The following DLGAP2 variants were observed in gnomAD, a reference collection of about 807,000 sequenced individuals.
The protein encoded by DLGAP2 is disks large-associated protein 2.
Under a neutral mutation model 100.3 loss-of-function variants are expected in DLGAP2, and 26 were observed. The ratio of observed to expected loss-of-function variants is 0.26; its 90% confidence interval spans 0.19 to 0.36. The LOEUF (loss-of-function observed/expected upper bound fraction) is 0.36. Among genes scored for constraint, DLGAP2 ranks in the 10% least tolerant of loss-of-function variants. DLGAP2 has a pLI of 1.00. For missense variants in DLGAP2, 1,858 were observed against 1,453.2 expected (o/e 1.28, Z -4.53); for synonymous variants, 886 against 630.1 (o/e 1.41, Z -6.08).
intron 2 of DLGAP2, among the ~76,000 whole-genome samples, chr8:949,614 C>T (rs1346334661): frequency 6.6e-6 from 1 of 152,226 alleles, no homozygotes; most frequent in African/African-American, 2.4e-5. Context: ...CTCCCCGCTG[C>T]AGCTTCCTCA....
In DLGAP2 at chr8:1,318,778, G is replaced by GCCC. The variant is rs34614425; in HGVS notation, c.106+59903_106+59905dup. Among the ~76,000 whole-genome samples, 622 of 105,510 alleles carry GCCC rather than the reference G, an allele frequency of 5.9e-3. 12 individuals carry two copies. The highest frequency in any genetic ancestry group is 0.024 in the African/African-American group (564 of 23,330). 69.2% of individuals were successfully genotyped at this position (105,510 alleles called of 152,430 possible). On this transcript the variant is annotated intron_variant, in intron 3 of 14. Transcript: ENST00000637795. ...GTAACTAATCCATTGTCAGTGATCAGCCCCCCCCCCGCCCCCTCGCCCATC... is the reference window on the plus strand; with the variant it reads ...GTAACTAATCCATTGTCAGTGATCAGCCCCCCCCCCCCCGCCCCCTCGCCCATC...
chr8:1,313,581 C>T (rs1293233876), intron 3 of DLGAP2, among the ~76,000 whole-genome samples: 2 of 152,002 alleles, frequency 1.3e-5, no homozygotes, highest in Non-Finnish European at 2.9e-5. Flanking sequence ...TGTGGAACAC[C>T]ATAACACTTC....
At chr8:1,046,484 C>A (rs896053530) in intron 2 of DLGAP2, among the ~76,000 whole-genome samples, 1 of 152,038 alleles carries the variant, frequency 6.6e-6, no homozygotes, top group African/African-American at 2.4e-5. Flanking sequence ...ACCTTTTCTG[C>A]TGGAATAAAA....
At chr8:1,431,068 C>G (rs1171602720) in intron 3 of DLGAP2, among the ~76,000 whole-genome samples, 1 of 152,146 alleles carries the variant, frequency 6.6e-6, no homozygotes, top group African/African-American at 2.4e-5. Context: ...AAAAATGTGC[C>G]TGCAAACTGT....
chr8:812,377 T>G (rs1563044591), intron 1 of DLGAP2, among the ~76,000 whole-genome samples: 2 of 152,118 alleles, frequency 1.3e-5, no homozygotes, highest in Non-Finnish European at 2.9e-5. Context: ...CTGCGGGAAG[T>G]CCCTGCCTCC....
In DLGAP2 at chr8:1,135,645, C is replaced by T. The variant is rs192621936; in HGVS notation, c.74-123206C>T. ...AGGTGATCCCTTCCTCACTGCCTTGCGGCATGTCAGAAAGTGTGCTTTCCA... is the reference window on the plus strand; with the variant it reads ...AGGTGATCCCTTCCTCACTGCCTTGTGGCATGTCAGAAAGTGTGCTTTCCA... On this transcript the variant is annotated intron_variant, in intron 2 of 14. Coordinates refer to ENST00000637795, the MANE Select transcript of DLGAP2 (RefSeq NM_001346810.2). Among the ~76,000 whole-genome samples the T allele has an allele frequency of 8.4e-4, 127 of 151,480 alleles. 1 individual carries two copies. The highest frequency in any genetic ancestry group is 2.6e-3 in the African/African-American group (109 of 41,324).
intron 3 of DLGAP2, among the ~76,000 whole-genome samples, chr8:1,265,266 G>T (rs573023566): frequency 6.6e-6 from 1 of 152,204 alleles, no homozygotes; most frequent in South Asian, 2.1e-4. Context: ...AGGAAAGAAA[G>T]ACTTAAAAAC....
At chr8:1,490,979 C>G (rs1403820245) in intron 3 of DLGAP2, among the ~76,000 whole-genome samples, 1 of 145,450 alleles carries the variant, frequency 6.9e-6, no homozygotes, top group African/African-American at 2.5e-5. Flanking sequence ...ACATATGTAA[C>G]AAACCTGCAC....
At chr8:1,192,720 G>T (rs1259979217) in intron 2 of DLGAP2, among the ~76,000 whole-genome samples, 2 of 149,602 alleles carry the variant, frequency 1.3e-5, no homozygotes, top group Non-Finnish European at 3.0e-5. Context: ...TGTGCACAAT[G>T]TGCAGGTTAG....
chr8:1,540,436 A>G (rs1243119562), intron 4 of DLGAP2, among the ~76,000 whole-genome samples: 1 of 152,218 alleles, frequency 6.6e-6, no homozygotes, highest in Non-Finnish European at 1.5e-5. Flanking sequence ...TTAATGAAAG[A>G]GAGGGAAAGG....
In DLGAP2 at chr8:1,691,605, T is replaced by C. The variant is rs1437804557; in HGVS notation, c.2775T>C (p.Tyr925=). 4 of 1,614,094 alleles carry C rather than the reference T, an allele frequency of 2.5e-6. No homozygotes were observed. The highest frequency in any genetic ancestry group is 2.2e-5 in the South Asian group (2 of 91,052). Residue 925 remains tyrosine (Y), a synonymous_variant, in exon 13 of 15, where the codon TAT becomes TAC. Coordinates refer to ENST00000637795, the MANE Select transcript of DLGAP2 (RefSeq NM_001346810.2). ...TGTCCCAGAAATTCCAGCAGTTTTA[T>C]TGGCTTTGCCAACAGAATATGGTAA... The part of the protein sequence containing the change: ...LLMSQKFQQF[Y]WLCQQNMDPS...
At chr8:1,542,740 C>G (rs896922225) in intron 4 of DLGAP2, among the ~76,000 whole-genome samples, 1 of 152,162 alleles carries the variant, frequency 6.6e-6, no homozygotes, top group Non-Finnish European at 1.5e-5. Context: ...TTTCATTTCT[C>G]TTGGATGTGC....
intron 2 of DLGAP2, among the ~76,000 whole-genome samples, chr8:980,079 C>T (rs1230540070): frequency 1.3e-5 from 2 of 152,170 alleles, no homozygotes; most frequent in South Asian, 2.1e-4. Flanking sequence ...TAGTGCCATT[C>T]GTGCATGGGA....
intron 5 of DLGAP2, among the ~76,000 whole-genome samples, chr8:1,564,093 G>A (rs1802296563): frequency 1.3e-5 from 2 of 152,238 alleles, no homozygotes; most frequent in Non-Finnish European, 2.9e-5. Context: ...AGTTGCTGTG[G>A]AAAGCTTTGG....
intron 8 of DLGAP2, among the ~76,000 whole-genome samples, chr8:1,657,472 T>A (rs1401878055): frequency 6.6e-6 from 1 of 152,250 alleles, no homozygotes; most frequent in East Asian, 1.9e-4. Context: ...TTCTCTAATG[T>A]GTAAAATGCT....
At chr8:1,149,942 T>C (rs1391104650) in intron 2 of DLGAP2, among the ~76,000 whole-genome samples, 2 of 152,230 alleles carry the variant, frequency 1.3e-5, no homozygotes, top group Non-Finnish European at 2.9e-5. Flanking sequence ...TCCTCTGATA[T>C]CTTCCTGCTC....
chr8:1,430,921 T>G (rs1455665757), intron 3 of DLGAP2, among the ~76,000 whole-genome samples: 1 of 152,242 alleles, frequency 6.6e-6, no homozygotes, highest in African/African-American at 2.4e-5. Flanking sequence ...CTATTCTGAC[T>G]CGGCTGTTGA....
At chr8:1,415,617 C>T (rs1000648116) in intron 3 of DLGAP2, among the ~76,000 whole-genome samples, 1 of 152,178 alleles carries the variant, frequency 6.6e-6, no homozygotes, top group Non-Finnish European at 1.5e-5. Context: ...CCACCTGCAT[C>T]CGTGTTGCTG....
chr8:911,108 A>G (rs532828574), intron 2 of DLGAP2, among the ~76,000 whole-genome samples: 4 of 152,282 alleles, frequency 2.6e-5, no homozygotes, highest in South Asian at 2.1e-4. Context: ...GAACCCGTCT[A>G]AAGTTTTATA....
Sources: allele counts gnomAD v4.1 joint callset (sites outside exome capture counted in the v4.1 genomes callset), GRCh38; gene constraint gnomAD v4.1.1; transcripts MANE v1.5; gene names NCBI Gene and HGNC (gene_info 2026-07-23, HGNC 2026-07-21).